The following NF1 variants were observed in gnomAD, a reference collection of about 807,000 sequenced individuals.
NF1 encodes the protein neurofibromin.
NF1 carries 122 observed loss-of-function variants against 325.7 expected under a neutral mutation model. That is an observed-to-expected ratio of 0.37 (90% CI 0.32 to 0.44). The LOEUF is 0.44. Among genes scored for constraint, NF1 ranks in the 20% least tolerant of loss-of-function variants. NF1 has a pLI of 1.00. For synonymous variants in NF1, 1,091 were observed against 1,186.0 expected (o/e 0.92, Z 1.65); for missense variants, 2,140 against 3,415.4 (o/e 0.63, Z 9.31).
At chr17:31,119,904 A>G (rs1914284060) in intron 1 of NF1, among the ~76,000 whole-genome samples, 1 of 152,208 alleles carries the variant, frequency 6.6e-6, no homozygotes, top group African/African-American at 2.4e-5. Flanking sequence ...AGGTTTGTCA[A>G]AGATCAGATG....
intron 1 of NF1, among the ~76,000 whole-genome samples, chr17:31,120,486 C>T (rs994762908): frequency 1.3e-5 from 2 of 152,158 alleles, no homozygotes; most frequent in Non-Finnish European, 2.9e-5. Context: ...AGTTGCTTCT[C>T]AGCTAAAGGA....
At position 31,200,413 on chromosome 17, in the gene NF1, A is replaced by G. The variant is rs2143871729; in HGVS notation, c.889-9A>G. 3 of 1,613,912 alleles carry G rather than the reference A, an allele frequency of 1.9e-6. No homozygotes were observed. Among genetic ancestry groups the G allele is most frequent in the South Asian group, 2.2e-5 (2 of 91,078 alleles). On this transcript the variant is annotated splice_polypyrimidine_tract_variant and intron_variant, in intron 8 of 57. Transcript: ENST00000358273. ...TATATTATCTTATCGCTATATTTGA[A>G]TTCTGTAGAAGTTATTTCTGGACAG...
At chr17:31,155,959 G>GC in intron 1 of NF1, 24 bp from the exon 2 acceptor site, 1 of 1,437,422 alleles carries the variant, frequency 7.0e-7, no homozygotes, top group Non-Finnish European at 9.5e-7. Context: ...CTGTTAACGT[G>GC]TTTTTTTTTT....
chr17:31,344,202 C>T (rs1387538597), intron 48 of NF1, among the ~76,000 whole-genome samples: 1 of 152,116 alleles, frequency 6.6e-6, no homozygotes, highest in East Asian at 1.9e-4. Flanking sequence ...TTGTACATCA[C>T]CTTTCTGGCA....
At position 31,205,117 on chromosome 17, in the gene NF1, G is replaced by A. The variant is rs559296155; in HGVS notation, c.1261-1123G>A. Among the ~76,000 whole-genome samples, 26 of 152,124 alleles carry A rather than the reference G, an allele frequency of 1.7e-4. No homozygotes were observed. The East Asian group carries it at 3.1e-3, about 18-fold the overall frequency. ...AAGTTGGTTTTATATTTTACTATCC[G>A]GCGAACAGGATTTGTAATCCACAGT... is the stretch of plus-strand genomic sequence containing the variant. On this transcript the variant is annotated intron_variant, in intron 11 of 57. Transcript: ENST00000358273.
chr17:31,330,579 A>G, intron 39 of NF1, 81 bp downstream of exon 39: 1 of 1,093,972 alleles, frequency 9.1e-7, no homozygotes, highest in South Asian at 1.4e-5. Context: ...AGAATTTTCC[A>G]GTGAAGACTT....
chr17:31,178,826 A>T (rs1410670190), intron 5 of NF1, among the ~76,000 whole-genome samples: 1 of 152,230 alleles, frequency 6.6e-6, no homozygotes, highest in Non-Finnish European at 1.5e-5. Flanking sequence ...TACCCTAAAT[A>T]TATATGCACC....
At position 31,358,473 on chromosome 17, in the gene NF1, C is replaced by CT. The variant is rs769246357; in HGVS notation, c.7971-3dup. 6.3e-7 allele frequency: 1 copy of CT among 1,598,860 alleles called. No homozygotes were observed. Among genetic ancestry groups the CT allele is most frequent in the South Asian group, 1.1e-5 (1 of 88,594 alleles). On this transcript the variant is annotated splice_region_variant and splice_polypyrimidine_tract_variant and intron_variant, in intron 54 of 57. Coordinates refer to ENST00000358273, the MANE Select transcript of NF1 (RefSeq NM_001042492.3). Reference sequence around the variant, plus strand: ...ATGTTCCTCTGTTGACTTTTTTTTTCTTTTAGGCATAATTTGTTGGACTCT... The same window carrying CT: ...ATGTTCCTCTGTTGACTTTTTTTTTCTTTTTAGGCATAATTTGTTGGACTCT...
At chr17:31,105,124 T>C (rs1198876391) in intron 1 of NF1, among the ~76,000 whole-genome samples, 1 of 151,848 alleles carries the variant, frequency 6.6e-6, no homozygotes, top group Non-Finnish European at 1.5e-5. Context: ...GGTCTCAAAC[T>C]CTTGGCCTCA....
chr17:31,268,437 G>A (rs2067828736), intron 36 of NF1, among the ~76,000 whole-genome samples: 1 of 151,852 alleles, frequency 6.6e-6, no homozygotes, highest in African/African-American at 2.4e-5. Context: ...GACCGTCCTG[G>A]CCAACATGAT....
chr17:31,121,605 C>A (rs1181121458), intron 1 of NF1, among the ~76,000 whole-genome samples: 1 of 151,858 alleles, frequency 6.6e-6, no homozygotes, highest in Admixed American at 6.6e-5. Flanking sequence ...TCCATCAGTA[C>A]CTAGTTTATT....
intron 1 of NF1, among the ~76,000 whole-genome samples, chr17:31,103,562 C>G (rs996432327): frequency 6.6e-6 from 1 of 151,654 alleles, no homozygotes; most frequent in Admixed American, 6.6e-5. Flanking sequence ...TGTATTTTTA[C>G]TATAGACGGG....
intron 5 of NF1, 81 bp from the exon 6 acceptor site, chr17:31,181,341 A>G (rs2066128430): frequency 7.6e-7 from 1 of 1,319,824 alleles, no homozygotes; most frequent in Non-Finnish European, 1.1e-6. Context: ...AGTAATACGT[A>G]AATGGAAAGT....
rs746134003 is a variant in NF1 at position 31,232,668 on chromosome 17, A to G, written c.3315-32A>G. On this transcript the variant is annotated intron_variant, in intron 25 of 57. Transcript: ENST00000358273. ...TAGCTTTCTAGTTGATACGGCCTTC[A>G]CTATGTAAAGGTCAGTCTTTTTATT... 6.2e-6 allele frequency: 10 copies of G among 1,602,888 alleles called. No homozygotes were observed. In the Middle Eastern group the frequency reaches 5.0e-4, roughly 80 times the overall value.
At chr17:31,250,288 A>C (rs944772256) in intron 30 of NF1, 12 of 246,610 alleles carry the variant, frequency 4.9e-5, no homozygotes, top group Non-Finnish European at 7.3e-5. Flanking sequence ...TATGAAACTT[A>C]ATACAGTGAA....
At chr17:31,268,844 G>T (rs953547493) in intron 36 of NF1, among the ~76,000 whole-genome samples, 2 of 151,816 alleles carry the variant, frequency 1.3e-5, no homozygotes, top group Admixed American at 1.3e-4. Context: ...GACAACAGGT[G>T]TGTGCCACCA....
chr17:31,221,388 C>G (rs1469457787), intron 14 of NF1, among the ~76,000 whole-genome samples: 2 of 151,960 alleles, frequency 1.3e-5, no homozygotes, highest in Non-Finnish European at 2.9e-5. Context: ...AATAATTGCT[C>G]TTTTCTGTTA....
rs199474730 is a variant in NF1 at position 31,227,547 on chromosome 17, T to C, written c.2350T>C (p.Trp784Arg). Residue 784 changes from tryptophan (W) to arginine (R), a missense_variant, in exon 20 of 58, where the codon TGG (tryptophan) becomes CGG (arginine). Trp to Arg is a moderately radical substitution (Grantham distance 101). Transcript: ENST00000358273. ...GGCTTGGGAAGATACACATGCAAAATGGGAACAAGCAACAAAGCTAATCCT... is the reference window on the plus strand; with the variant it reads ...GGCTTGGGAAGATACACATGCAAAACGGGAACAAGCAACAAAGCTAATCCT... ...TEAWEDTHAK[W>R]EQATKLILNY... 6.2e-7 allele frequency: 1 copy of C among 1,613,716 alleles called. No individual in the cohort carries two copies. The highest frequency in any genetic ancestry group is 8.5e-7 in the Non-Finnish European group (1 of 1,179,820).
At chr17:31,265,171 T>C in intron 35 of NF1, 58 bp from the exon 36 acceptor site, 3 of 1,182,052 alleles carry the variant, frequency 2.5e-6, no homozygotes, top group Non-Finnish European at 3.7e-6. Flanking sequence ...TATAGACTTT[T>C]TTACATACTC....
Sources: gnomAD v4.1 joint callset for allele counts (sites outside exome capture counted in the v4.1 genomes callset) on GRCh38, gnomAD v4.1.1 for gene constraint, MANE v1.5 for transcripts, NCBI Gene and HGNC (gene_info 2026-07-23, HGNC 2026-07-21) for gene names.